NR1H4: variants seen among roughly 807,000 people sequenced by gnomAD.
NR1H4 encodes nuclear receptor subfamily 1 group H member 4, also known as bile acid receptor.
Under a neutral mutation model 58.5 loss-of-function variants are expected in NR1H4, and 23 were observed. The ratio of observed to expected loss-of-function variants is 0.39; its 90% CI spans 0.28 to 0.56. The LOEUF (loss-of-function observed/expected upper bound fraction) is 0.56. Among genes scored for constraint, NR1H4 ranks in the 20% least tolerant of loss-of-function variants. The pLI is 0.58. For synonymous variants in NR1H4, 214 were observed against 198.0 expected, an observed-to-expected ratio of 1.08 and a Z score of -0.68; for missense variants, 487 against 576.9, an observed-to-expected ratio of 0.84 and a Z score of 1.60.
At chr12:100,507,646 G>GT (rs1319595247) in intron 3 of NR1H4, among the ~76,000 whole-genome samples, 3 of 152,022 alleles carry the variant, frequency 2.0e-5, no homozygotes, top group African/African-American at 7.2e-5. Context: ...TGTATTTTTA[G>GT]TAGAGACGGG....
chr12:100,532,971 A>G (rs746303122), intron 5 of NR1H4, among the ~76,000 whole-genome samples: 3 of 152,204 alleles, frequency 2.0e-5, no homozygotes, highest in Non-Finnish European at 2.9e-5. Context: ...TTAGCATACA[A>G]ATTCACTATT....
At chr12:100,556,140 A>G (rs930078211) in intron 9 of NR1H4, among the ~76,000 whole-genome samples, 1 of 152,126 alleles carries the variant, frequency 6.6e-6, no homozygotes, top group Non-Finnish European at 1.5e-5. Context: ...TTGTGCTCAA[A>G]ATTTAAATCC....
intron 3 of NR1H4, among the ~76,000 whole-genome samples, chr12:100,500,698 C>G (rs899706812): frequency 6.6e-6 from 1 of 152,092 alleles, no homozygotes; most frequent in East Asian, 1.9e-4. Context: ...TGAGTGAGTT[C>G]TCATGAGATC....
intron 1 of NR1H4, among the ~76,000 whole-genome samples, chr12:100,475,782 CT>C (rs1384442480): frequency 6.6e-6 from 1 of 152,154 alleles, no homozygotes; most frequent in East Asian, 1.9e-4. Context: ...GTCTCCCAGG[CT>C]GGAGTGCAGT....
chr12:100,508,890 G>T (rs553168741), intron 3 of NR1H4, among the ~76,000 whole-genome samples: 1 of 152,260 alleles, frequency 6.6e-6, no homozygotes, highest in Admixed American at 6.5e-5. Context: ...ACTATTTATG[G>T]TCTTTACTTA....
At position 100,556,398 on chromosome 12, in the gene NR1H4, C is replaced by T. The variant is rs1016420091; in HGVS notation, c.1079-5487C>T. Among the ~76,000 whole-genome samples, 17 of 146,260 alleles carry T rather than the reference C, an allele frequency of 1.2e-4. 1 individual carries two copies. The highest frequency in any genetic ancestry group is 6.7e-4 in the South Asian group (3 of 4,454). ...AAAAGAATTGCTTGAACCTGGGAGG[C>T]GGAGTTTGCGGTGAGCCTAGACCGT... On this transcript the variant is annotated intron_variant, in intron 9 of 10. Coordinates refer to ENST00000392986, the MANE Select transcript of NR1H4 (RefSeq NM_001206979.2).
At chr12:100,515,226 A>AACGGC (rs1229530720) in intron 4 of NR1H4, among the ~76,000 whole-genome samples, 3 of 144,932 alleles carry the variant, frequency 2.1e-5, no homozygotes, top group Non-Finnish European at 3.0e-5. Context: ...GCTGGAGGGC[A>AACGGC]ATGGCATGAT....
chr12:100,561,993 C>G lies in NR1H4; in HGVS notation c.1187C>G (p.Ser396Cys). The change falls in exon 10 of 11, where the codon TCT becomes TGT. Residue 396 changes from serine to cysteine, a missense_variant. Physicochemically the swap from Ser to Cys is moderately radical, Grantham distance 112 (BLOSUM62 -1). Transcript: ENST00000392986. Reference protein sequence around the residue: ...YALLTAIVILSPDRQYIKDRE... With the variant: ...YALLTAIVILCPDRQYIKDRE... The stretch of plus-strand genomic sequence containing the variant: ...CTGCTTACAGCAATTGTTATCCTGT[C>G]TCCAGGTAATTCCAATGTTACATTT... 4 of 1,429,664 alleles carry G rather than the reference C, an allele frequency of 2.8e-6. No homozygotes were observed. The highest frequency in any genetic ancestry group is 4.0e-6 in the Non-Finnish European group (4 of 1,012,220). 88.6% of individuals were successfully genotyped at this position (1,429,664 alleles called of 1,614,324 possible). A position where few individuals can be genotyped will look rare whatever the true frequency, so the allele number is the denominator to read the frequency against.
intron 9 of NR1H4, among the ~76,000 whole-genome samples, chr12:100,552,439 C>G (rs980188383): frequency 2.0e-5 from 3 of 152,246 alleles, no homozygotes; most frequent in Middle Eastern, 3.4e-3. Flanking sequence ...AGGACATAGT[C>G]CAATCTCTTA....
chr12:100,503,452 CG>C, intron 3 of NR1H4: 2 of 1,597,448 alleles, frequency 1.3e-6, no homozygotes, highest in Non-Finnish European at 1.7e-6. Flanking sequence ...AGCTGTACGC[CG>C]TCAGGATTTT....
At chr12:100,523,956 C>T (rs1954491370) in intron 4 of NR1H4, among the ~76,000 whole-genome samples, 1 of 151,650 alleles carries the variant, frequency 6.6e-6, no homozygotes, top group South Asian at 2.1e-4. Context: ...GTCAAGCAAA[C>T]AAAAAGATTA....
At position 100,540,790 on chromosome 12, in the gene NR1H4, C is replaced by T. The variant is rs1371597010; in HGVS notation, c.1050C>T (p.Asp350=). Reference sequence around the variant, plus strand: ...AGAAACTTCCGTCTGGGCATTCTGACCTATTGGAAGAAAGAATTCGAAATA... The same window carrying T: ...AGAAACTTCCGTCTGGGCATTCTGATCTATTGGAAGAAAGAATTCGAAATA... ...FNKKLPSGHS[D]LLEERIRNSG... is the part of the protein sequence containing the mutation. The change falls in exon 9 of 11, where the codon GAC becomes GAT. Residue 350 remains aspartate (D), a synonymous_variant. Transcript: ENST00000392986. 6.2e-7 allele frequency: 1 copy of T among 1,614,090 alleles called. No homozygotes were observed. Among genetic ancestry groups the T allele is most frequent in the Non-Finnish European group, 8.5e-7 (1 of 1,179,998 alleles).
chr12:100,554,890 T>C (rs1352105239), intron 9 of NR1H4, among the ~76,000 whole-genome samples: 1 of 152,254 alleles, frequency 6.6e-6, no homozygotes, highest in Non-Finnish European at 1.5e-5. Context: ...TGGTTAACTC[T>C]GATTGTTGAC....
At position 100,540,884 on chromosome 12, in the gene NR1H4, G is replaced by A. The variant is rs147911148; in HGVS notation, c.1078+66G>A. On this transcript the variant is annotated intron_variant, in intron 9 of 10. Transcript: ENST00000392986. Reference sequence around the variant, plus strand: ...AGTAAAATTGGTGTGCTTCATGAGGGTGGGGCTCTTGCCAATCTTATGCAA... The same window carrying A: ...AGTAAAATTGGTGTGCTTCATGAGGATGGGGCTCTTGCCAATCTTATGCAA... 1.3e-3 allele frequency: 1,998 copies of A among 1,520,172 alleles called. 27 individuals are homozygous for A. In the African/African-American group the frequency reaches 0.023, roughly 17 times the overall value. The allele number at this position is 1,520,172 out of a possible 1,614,324, so 94.2% of individuals were successfully genotyped here. A position where few individuals can be genotyped will look rare whatever the true frequency, so the allele number is the denominator to read the frequency against.
In NR1H4 at chr12:100,511,127, C is replaced by A. The variant is rs1431408255; in HGVS notation, c.429C>A (p.Thr143=). Residue 143 remains threonine (T), a synonymous_variant, in exon 4 of 11, where the codon ACC becomes ACA. Transcript: ENST00000392986. ...CTGGATACCACTATAATGCACTGAC[C>A]TGTGAGGGGTGTAAAGGTAAGCATC... ...RASGYHYNAL[T]CEGCKGFFRR... The A allele has an allele frequency of 6.2e-7, 1 of 1,614,228 alleles. No homozygotes were observed. Among genetic ancestry groups the A allele is most frequent in the Non-Finnish European group, 8.5e-7 (1 of 1,180,042 alleles).
intron 4 of NR1H4, among the ~76,000 whole-genome samples, chr12:100,512,797 A>C (rs1165903367): frequency 6.6e-6 from 1 of 152,188 alleles, no homozygotes; most frequent in Non-Finnish European, 1.5e-5. Flanking sequence ...CTGAATAAAA[A>C]CCATCTCTTG....
intron 9 of NR1H4, among the ~76,000 whole-genome samples, chr12:100,546,765 C>T: frequency 6.6e-6 from 1 of 152,086 alleles, no homozygotes; most frequent in East Asian, 1.9e-4. Flanking sequence ...ACTAACCCTC[C>T]AGCCATTGAC....
chr12:100,519,698 C>T lies in NR1H4; in HGVS notation c.445+8555C>T, dbSNP rs150472093. 1.1e-3 allele frequency among the ~76,000 whole-genome samples: 173 copies of T among 152,264 alleles called. 1 individual carries two copies. Among genetic ancestry groups the T allele is most frequent in the African/African-American group, 3.9e-3 (160 of 41,558 alleles). On this transcript the variant is annotated intron_variant, in intron 4 of 10. Transcript: ENST00000392986. ...ACCCAGGAAAGGGCATAAGAATCCT[C>T]GTCTTCCAGGATCCCAAATGACGTG...
At chr12:100,493,242 A>C (rs942624365) in intron 2 of NR1H4, 28 bp from the exon 3 acceptor site, 12 of 752,608 alleles carry the variant, frequency 1.6e-5, no homozygotes, top group Non-Finnish European at 2.4e-5. Context: ...GCATTCCCAC[A>C]GTCACAAACT....
Sources: gnomAD v4.1 joint callset for allele counts (sites outside exome capture counted in the v4.1 genomes callset) on GRCh38, gnomAD v4.1.1 for gene constraint, MANE v1.5 for transcripts, NCBI Gene and HGNC (gene_info 2026-07-23, HGNC 2026-07-21) for gene names.